The following CD247 variants were observed in gnomAD, a reference collection of about 807,000 sequenced individuals.
CD247 encodes the protein CD247 molecule.
CD247 carries 13 observed loss-of-function variants against 30.0 expected under a neutral mutation model. That is an observed-to-expected ratio of 0.43 (90% CI 0.28 to 0.69). The LOEUF is 0.69. Among genes scored for constraint, CD247 ranks in the 30% least tolerant of loss-of-function variants. CD247 has a pLI of 0.16. For synonymous variants in CD247, 72 were observed against 80.0 expected, an observed-to-expected ratio of 0.90 and a Z score of 0.53; for missense variants, 193 against 212.6, an observed-to-expected ratio of 0.91 and a Z score of 0.57.
intron 7 of CD247, among the ~76,000 whole-genome samples, chr1:167,431,985 A>G (rs1651293039): frequency 6.6e-6 from 1 of 152,134 alleles, no homozygotes; most frequent in African/African-American, 2.4e-5. Flanking sequence ...TTTCCAGCTA[A>G]ATTCTCACCC....
chr1:167,434,546 C>T (rs1651434122), intron 5 of CD247: 2 of 356,328 alleles, frequency 5.6e-6, no homozygotes, highest in African/African-American at 2.1e-5. Flanking sequence ...TGCATGGCAA[C>T]CCAGATCGAC....
At chr1:167,509,055 T>C (rs1370585695) in intron 1 of CD247, among the ~76,000 whole-genome samples, 2 of 152,162 alleles carry the variant, frequency 1.3e-5, no homozygotes, top group East Asian at 3.9e-4. Context: ...GCCTGTCAGA[T>C]GGTTTAAATA....
At chr1:167,513,305 T>C (rs957024606) in intron 1 of CD247, among the ~76,000 whole-genome samples, 9 of 149,112 alleles carry the variant, frequency 6.0e-5, no homozygotes, top group African/African-American at 2.0e-4. Context: ...TTATGTTAAC[T>C]ATAAAAAGAT....
chr1:167,438,806 T>C (rs548044801), intron 3 of CD247, among the ~76,000 whole-genome samples, 156 bp from the exon 4 acceptor site: 65 of 152,182 alleles, frequency 4.3e-4, no homozygotes, highest in African/African-American at 1.4e-3. Flanking sequence ...CTGGAGACCA[T>C]CATCCCAGAG....
chr1:167,483,149 T>C (rs968602290), intron 1 of CD247, among the ~76,000 whole-genome samples: 4 of 152,052 alleles, frequency 2.6e-5, no homozygotes, highest in East Asian at 1.9e-4. Context: ...GCTGGAGTTA[T>C]AGGCATGCGC....
In CD247 at chr1:167,454,182, TA is replaced by T. The variant is rs561777975; in HGVS notation, c.59-13416del. Among the ~76,000 whole-genome samples the T allele has an allele frequency of 3.9e-5, 6 of 152,252 alleles. No homozygotes were observed. The East Asian group carries it at 1.2e-3, about 29-fold the overall frequency. On this transcript the variant is annotated intron_variant, in intron 1 of 7. Coordinates refer to ENST00000362089, the MANE Select transcript of CD247 (RefSeq NM_198053.3). The stretch of plus-strand genomic sequence containing the variant: ...GAATTACACTTAAAAATGAAAATAG[TA>T]ATGTTATATTATTTTACAAGAAAAA...
intron 4 of CD247, among the ~76,000 whole-genome samples, chr1:167,437,400 T>C (rs1443656697): frequency 2.5e-5 from 2 of 78,504 alleles, no homozygotes; most frequent in East Asian, 6.1e-4. Context: ...AGCTAAACGC[T>C]GTCTCAAAAA....
intron 1 of CD247, among the ~76,000 whole-genome samples, chr1:167,461,027 G>A (rs538489878): frequency 4.3e-4 from 65 of 152,310 alleles, no homozygotes; most frequent in Non-Finnish European, 7.2e-4. Flanking sequence ...CGCCTATGAC[G>A]TACTTTGCGT....
At chr1:167,501,187 T>C (rs964685051) in intron 1 of CD247, among the ~76,000 whole-genome samples, 4 of 151,656 alleles carry the variant, frequency 2.6e-5, no homozygotes, top group African/African-American at 9.7e-5. Flanking sequence ...CCCGAGTAGC[T>C]GGGATTACAG....
At chr1:167,508,720 G>A (rs560568365) in intron 1 of CD247, among the ~76,000 whole-genome samples, 1 of 152,280 alleles carries the variant, frequency 6.6e-6, no homozygotes, top group East Asian at 1.9e-4. Context: ...AAAAGTCCTG[G>A]GTGGTATCCT....
intron 1 of CD247, among the ~76,000 whole-genome samples, chr1:167,496,390 TG>T (rs1654690946): frequency 6.6e-6 from 1 of 152,208 alleles, no homozygotes; most frequent in Non-Finnish European, 1.5e-5. Context: ...TTGAGTCTGC[TG>T]GGGTCACACA....
chr1:167,465,055 CT>C (rs2102036834), intron 1 of CD247, among the ~76,000 whole-genome samples: 1 of 152,152 alleles, frequency 6.6e-6, no homozygotes, highest in South Asian at 2.1e-4. Flanking sequence ...CTTGCTTTTT[CT>C]CTTCTCCCTC....
At chr1:167,463,723 T>G (rs544556001) in intron 1 of CD247, among the ~76,000 whole-genome samples, 58 of 152,202 alleles carry the variant, frequency 3.8e-4, no homozygotes, top group Admixed American at 7.2e-4. Context: ...AATGATTGGT[T>G]AGAATTTGAT....
At chr1:167,502,858 G>A (rs534974712) in intron 1 of CD247, among the ~76,000 whole-genome samples, 3 of 152,136 alleles carry the variant, frequency 2.0e-5, no homozygotes, top group African/African-American at 4.8e-5. Flanking sequence ...GCTGGGGAGA[G>A]GCTTGGGACA....
intron 1 of CD247, among the ~76,000 whole-genome samples, chr1:167,506,341 T>C (rs1355555399): frequency 2.0e-5 from 3 of 148,112 alleles, no homozygotes; most frequent in African/African-American, 5.0e-5. Flanking sequence ...CTTTCTCCTC[T>C]CCCTCCCCTC....
At chr1:167,511,474 CTA>C (rs1345725550) in intron 1 of CD247, among the ~76,000 whole-genome samples, 1 of 152,120 alleles carries the variant, frequency 6.6e-6, no homozygotes, top group Non-Finnish European at 1.5e-5. Flanking sequence ...AAAATGGAAA[CTA>C]TGGATTTATC....
At position 167,431,721 on chromosome 1, in the gene CD247, G is replaced by A. The variant is rs748158220; in HGVS notation, c.455C>T (p.Thr152Ile). 18 of 1,613,980 alleles carry A rather than the reference G, an allele frequency of 1.1e-5. No homozygotes were observed. The South Asian group carries it at 2.0e-4, about 18-fold the overall frequency. ...GGCCTGCATGTGAAGGGCGTCGTAG[G>A]TGTCCTTGGTGGCTGTACTGAGACC... is the stretch of plus-strand genomic sequence containing the variant. Reference protein sequence around the residue: ...YQGLSTATKDTYDALHMQALP... With the variant: ...YQGLSTATKDIYDALHMQALP... The change falls in exon 8 of 8, where the codon ACC (threonine) becomes ATC (isoleucine). Residue 152 changes from threonine (T) to isoleucine (I), a missense_variant. By Grantham distance (89) the Thr-to-Ile change is moderately conservative. Transcript: ENST00000362089.
Position 167,431,552 on chromosome 1 carries a change from G to T in CD247, c.*129C>A. 1.2e-6 allele frequency: 1 copy of T among 832,142 alleles called. No individual in the cohort carries two copies. The highest frequency in any genetic ancestry group is 1.3e-5 in the South Asian group (1 of 74,814). 51.5% of individuals were successfully genotyped at this position (832,142 alleles called of 1,614,324 possible). A position where few individuals can be genotyped will look rare whatever the true frequency, so the allele number is the denominator to read the frequency against. ...AGGTTTGGAGCTAAATATAACCAAA[G>T]CATCCTGTACATAAAGGGGAATACT... On this transcript the variant is annotated 3_prime_UTR_variant, in exon 8 of 8. Transcript: ENST00000362089.
chr1:167,514,221 C>G (rs745323507), intron 1 of CD247, among the ~76,000 whole-genome samples: 1 of 152,138 alleles, frequency 6.6e-6, no homozygotes, highest in Non-Finnish European at 1.5e-5. Flanking sequence ...ACTGCAACCT[C>G]CGCCTCCCGG....
Sources: gnomAD v4.1 joint callset for allele counts (sites outside exome capture counted in the v4.1 genomes callset) on GRCh38, gnomAD v4.1.1 for gene constraint, MANE v1.5 for transcripts, NCBI Gene and HGNC (gene_info 2026-07-23, HGNC 2026-07-21) for gene names.